The following NAV2 variants were observed in gnomAD, a reference collection of about 807,000 sequenced individuals.
The protein encoded by NAV2 is neuron navigator 2.
Under a neutral mutation model 223.2 loss-of-function variants are expected in NAV2, and 54 were observed. The observed-to-expected ratio is 0.24, with a 90% CI of 0.19 to 0.30. NAV2 has a LOEUF of 0.30. NAV2 is among the 10% of genes least tolerant of loss of function. NAV2 has a pLI of 1.00. For missense variants in NAV2, 2,806 were observed against 3,147.5 expected, an observed-to-expected ratio of 0.89 and a Z score of 2.60; for synonymous variants, 1,279 against 1,239.3, an observed-to-expected ratio of 1.03 and a Z score of -0.67.
chr11:19,524,621 C>T (rs1257471495), intron 1 of NAV2, among the ~76,000 whole-genome samples: 1 of 151,414 alleles, frequency 6.6e-6, no homozygotes, highest in Non-Finnish European at 1.5e-5. Context: ...TCAGTACTGG[C>T]TTTGGTGGGG....
intron 31 of NAV2, among the ~76,000 whole-genome samples, chr11:20,099,045 C>T (rs1011910153): frequency 5.9e-5 from 9 of 152,220 alleles, no homozygotes; most frequent in Non-Finnish European, 1.3e-4. Context: ...GACTCTGGCC[C>T]ACTATAGGTC....
intron 1 of NAV2, among the ~76,000 whole-genome samples, chr11:19,662,641 G>T (rs1207014372): frequency 3.3e-5 from 5 of 152,242 alleles, no homozygotes; most frequent in African/African-American, 1.2e-4. Context: ...GCACCGGACA[G>T]GCCTGCCTGT....
intron 1 of NAV2, among the ~76,000 whole-genome samples, chr11:19,482,814 A>T (rs2042321423): frequency 6.6e-6 from 1 of 152,154 alleles, no homozygotes; most frequent in Admixed American, 6.5e-5. Flanking sequence ...GGCAGTTGGG[A>T]TCAATTTCAG....
chr11:19,815,780 G>T (rs1369350673), intron 1 of NAV2, among the ~76,000 whole-genome samples: 2 of 152,174 alleles, frequency 1.3e-5, no homozygotes, highest in Non-Finnish European at 2.9e-5. Context: ...AATGCAAGCT[G>T]CCACCGCCCA....
chr11:19,729,644 CAG>C (rs1179734330), intron 1 of NAV2, among the ~76,000 whole-genome samples: 1 of 152,086 alleles, frequency 6.6e-6, no homozygotes, highest in East Asian at 1.9e-4. Context: ...TTGTGATGCT[CAG>C]GGCACCAGAG....
chr11:20,093,011 G>T, intron 28 of NAV2, 88 bp from the exon 29 acceptor site: 2 of 356,052 alleles, frequency 5.6e-6, no homozygotes, highest in South Asian at 2.3e-5. Context: ...TGTTTGTCCC[G>T]CTGCTGTGCC....
chr11:19,515,361 A>T (rs2043413170), intron 1 of NAV2, among the ~76,000 whole-genome samples: 1 of 152,178 alleles, frequency 6.6e-6, no homozygotes, highest in Non-Finnish European at 1.5e-5. Flanking sequence ...CCTGAGAGGG[A>T]ACTTGCAGCC....
At chr11:20,117,371 G>C (rs2063201579) in intron 37 of NAV2, among the ~76,000 whole-genome samples, 1 of 152,080 alleles carries the variant, frequency 6.6e-6, no homozygotes, top group South Asian at 2.1e-4. Context: ...CCTTTTCTAA[G>C]GGTTTAATAC....
intron 1 of NAV2, among the ~76,000 whole-genome samples, chr11:19,449,405 A>G (rs971403450): frequency 2.0e-5 from 3 of 151,994 alleles, no homozygotes; most frequent in Admixed American, 6.6e-5. Flanking sequence ...TCAAAAAAAA[A>G]AAAAAATGTG....
intron 1 of NAV2, among the ~76,000 whole-genome samples, chr11:19,580,804 G>C (rs537870916): frequency 6.6e-5 from 10 of 152,238 alleles, no homozygotes; most frequent in African/African-American, 2.4e-4. Flanking sequence ...AACACACTTA[G>C]GAGTAAAACT....
chr11:19,933,060 G>A lies in NAV2; in HGVS notation c.932-116G>A. ...CAGATAATCCACAAAGTGGGCAATG[G>A]AGCTATACGGCATTTGGGTTGGGAG... On this transcript the variant is annotated intron_variant, in intron 6 of 37. Transcript: ENST00000349880. The surrounding 1 kb of genome is among the most constrained non-coding windows in gnomAD (Gnocchi z 4.3). 1 of 1,262,192 alleles carries A rather than the reference G, an allele frequency of 7.9e-7. No homozygotes were observed. 78.2% of individuals were successfully genotyped at this position (1,262,192 alleles called of 1,614,324 possible).
At chr11:19,434,109 CA>C (rs34790501) in intron 1 of NAV2, among the ~76,000 whole-genome samples, 104,629 of 146,754 alleles carry the variant, frequency 0.71, 36,857 homozygotes, top group East Asian at 0.82. Context: ...GAAAATGAGC[CA>C]AAAAAAAAAA....
chr11:19,609,648 G>A (rs1279695271), intron 1 of NAV2, among the ~76,000 whole-genome samples: 4 of 152,184 alleles, frequency 2.6e-5, no homozygotes, highest in Non-Finnish European at 5.9e-5. Flanking sequence ...GTACCCCAAG[G>A]GCTAAGCAGA....
intron 5 of NAV2, 25 bp from the exon 6 acceptor site, chr11:19,892,409 T>A (rs1352114944): frequency 1.2e-6 from 2 of 1,609,946 alleles, no homozygotes; most frequent in South Asian, 2.2e-5. Context: ...ACTGAATGCA[T>A]TATCCTGTTG....
rs529314735 is a variant in NAV2 at position 19,577,899 on chromosome 11, G to A, written c.75+226872G>A. 1.2e-4 allele frequency among the ~76,000 whole-genome samples: 18 copies of A among 152,284 alleles called. No individual in the cohort carries two copies. The South Asian group carries it at 1.9e-3, about 16-fold the overall frequency. Reference sequence around the variant, plus strand: ...AGAAGGCAGCATGTGCACAGGCCTCGGAAGCAGACAATCAGCGACAGGCGC... The same window carrying A: ...AGAAGGCAGCATGTGCACAGGCCTCAGAAGCAGACAATCAGCGACAGGCGC... On this transcript the variant is annotated intron_variant, in intron 1 of 37. Coordinates refer to the NAV2 transcript ENST00000360655.
intron 3 of NAV2, among the ~76,000 whole-genome samples, chr11:19,865,628 CCTT>C (rs1392642099): frequency 1.3e-5 from 2 of 152,280 alleles, no homozygotes; most frequent in Non-Finnish European, 2.9e-5. Flanking sequence ...TTTTTGAACT[CCTT>C]CTGTGAACAG....
chr11:19,357,431 A>G (rs1021957567), intron 1 of NAV2, among the ~76,000 whole-genome samples: 1 of 152,242 alleles, frequency 6.6e-6, no homozygotes, highest in Non-Finnish European at 1.5e-5. Flanking sequence ...GAAAATTAGG[A>G]TGCTAATAAT....
intron 1 of NAV2, among the ~76,000 whole-genome samples, chr11:19,565,025 C>T (rs1217689994): frequency 6.6e-6 from 1 of 152,162 alleles, no homozygotes; most frequent in Non-Finnish European, 1.5e-5. Context: ...ATCCCAGCTA[C>T]TCGGGAGGCT....
At chr11:19,504,213 G>A (rs994905611) in intron 1 of NAV2, 1 of 152,226 alleles carries the variant, frequency 6.6e-6, no homozygotes, top group Non-Finnish European at 1.5e-5. Context: ...CATTGCTGGT[G>A]GAAATGCAAA....
Sources: gnomAD v4.1 joint callset for allele counts (sites outside exome capture counted in the v4.1 genomes callset) on GRCh38, gnomAD v4.1.1 for gene constraint, Gnocchi (gnomAD v3.1) non-coding constraint, MANE v1.5 for transcripts, NCBI Gene and HGNC (gene_info 2026-07-23, HGNC 2026-07-21) for gene names.